TTC28: variants seen among roughly 807,000 people sequenced by gnomAD.
TTC28 encodes tetratricopeptide repeat protein 28.
TTC28 carries 61 observed loss-of-function variants against 198.0 expected under a neutral mutation model. That is an observed-to-expected ratio of 0.31 (90% CI 0.25 to 0.38). The LOEUF (loss-of-function observed/expected upper bound fraction) is 0.38. TTC28 is among the 10% of genes least tolerant of loss of function. TTC28 has a pLI of 1.00. For missense variants in TTC28, 2,678 were observed against 3,164.0 expected, an observed-to-expected ratio of 0.85 and a Z score of 3.69; for synonymous variants, 1,171 against 1,297.8, an observed-to-expected ratio of 0.90 and a Z score of 2.10.
rs1023001761 is a variant in TTC28, at chr22:28,567,218, A to G, written c.381+62334T>C. ...CGACAAGAGCAAGACTCCATCTCGG[A>G]AAAAAAAAAAAAAAAAAAAAAGTAG... On this transcript the variant is annotated intron_variant, in intron 2 of 22. Coordinates refer to ENST00000397906, the MANE Select transcript of TTC28 (RefSeq NM_001145418.2). Among the ~76,000 whole-genome samples the G allele has an allele frequency of 2.4e-3, 302 of 127,536 alleles. 2 individuals carry two copies. Among genetic ancestry groups the G allele is most frequent in the African/African-American group, 7.2e-3 (254 of 35,236 alleles). The allele number at this position is 127,536 out of a possible 152,430, so 83.7% of individuals were successfully genotyped here. A position where few individuals can be genotyped will look rare whatever the true frequency, so the allele number is the denominator to read the frequency against.
At chr22:28,426,576 G>A (rs942787139) in intron 2 of TTC28, among the ~76,000 whole-genome samples, 1 of 152,054 alleles carries the variant, frequency 6.6e-6, no homozygotes, top group Non-Finnish European at 1.5e-5. Context: ...AGTTCCTAAG[G>A]AACTAGGAAT....
In TTC28 at chr22:28,679,780, G is replaced by C. The variant is rs1222442148; in HGVS notation, c.-57C>G. The stretch of plus-strand genomic sequence containing the variant: ...GCTAACGGTCCCGCCAGCTAGGCGC[G>C]CGCGCCGGTTCCGCGCGCCATGTTC... On this transcript the variant is annotated 5_prime_UTR_variant, in exon 1 of 23. Transcript: ENST00000397906. 3 of 988,500 alleles carry C rather than the reference G, an allele frequency of 3.0e-6. No individual in the cohort carries two copies. Among genetic ancestry groups the C allele is most frequent in the South Asian group, 5.1e-5 (1 of 19,652 alleles). The allele number at this position is 988,500 out of a possible 1,614,324, so 61.2% of individuals were successfully genotyped here.
intron 2 of TTC28, among the ~76,000 whole-genome samples, chr22:28,585,146 A>T (rs886719835): frequency 2.6e-5 from 4 of 152,214 alleles, no homozygotes; most frequent in African/African-American, 9.6e-5. Flanking sequence ...TGTGAAAGAC[A>T]ATTTTTCAAT....
chr22:28,655,593 G>T (rs888375547), intron 1 of TTC28, among the ~76,000 whole-genome samples: 2 of 152,150 alleles, frequency 1.3e-5, no homozygotes, highest in African/African-American at 4.8e-5. Context: ...CCTAGGCCGG[G>T]CGTGGTGGCT....
chr22:28,014,193 TG>T, intron 14 of TTC28, 54 bp downstream of exon 14: 1 of 1,506,392 alleles, frequency 6.6e-7, no homozygotes, highest in Non-Finnish European at 8.9e-7. Context: ...GGGCGCTGAC[TG>T]GTAAGCGATG....
chr22:28,495,641 A>G (rs1208271041), intron 2 of TTC28, among the ~76,000 whole-genome samples: 1 of 152,232 alleles, frequency 6.6e-6, no homozygotes, highest in African/African-American at 2.4e-5. Context: ...ATAAGGGAAT[A>G]AAAGGTATTC....
intron 2 of TTC28, among the ~76,000 whole-genome samples, chr22:28,546,361 G>A (rs946993773): frequency 3.3e-5 from 5 of 152,102 alleles, no homozygotes; most frequent in African/African-American, 4.8e-5. Flanking sequence ...CAGGAGAATC[G>A]CTTGAACCCG....
chr22:28,380,616 G>GA (rs963498668), intron 2 of TTC28, among the ~76,000 whole-genome samples: 1 of 151,994 alleles, frequency 6.6e-6, no homozygotes, highest in Non-Finnish European at 1.5e-5. Context: ...ATTTCCATAA[G>GA]AAAAAAGCAT....
chr22:28,250,489 G>A (rs779305880), intron 5 of TTC28, among the ~76,000 whole-genome samples: 2 of 152,196 alleles, frequency 1.3e-5, no homozygotes, highest in Non-Finnish European at 2.9e-5. Context: ...ATCTGTGGGA[G>A]GTTGTTTCCA....
chr22:28,226,439 T>C (rs1471421813), intron 5 of TTC28, among the ~76,000 whole-genome samples: 1 of 152,176 alleles, frequency 6.6e-6, no homozygotes, highest in Non-Finnish European at 1.5e-5. Context: ...CTCTTCTCTT[T>C]TTATGAGACA....
At chr22:28,199,903 C>A (rs1343951109) in intron 5 of TTC28, among the ~76,000 whole-genome samples, 2 of 152,010 alleles carry the variant, frequency 1.3e-5, no homozygotes, top group Non-Finnish European at 2.9e-5. Flanking sequence ...CCAGGAGAAT[C>A]TATCCATGTA....
chr22:28,051,653 A>G lies in TTC28; in HGVS notation c.3933-21287T>C, dbSNP rs564106514. Reference sequence around the variant, plus strand: ...CCAGTAGGGGGTTTAACAGCCCGAGATTTTGAAAAGCTGTTGTCACGTCAT... The same window carrying G: ...CCAGTAGGGGGTTTAACAGCCCGAGGTTTTGAAAAGCTGTTGTCACGTCAT... On this transcript the variant is annotated intron_variant, in intron 12 of 22. Transcript: ENST00000397906. Among the ~76,000 whole-genome samples the G allele has an allele frequency of 4.6e-5, 7 of 152,266 alleles. No homozygotes were observed. In the South Asian group the frequency reaches 1.5e-3, roughly 32 times the overall value.
intron 12 of TTC28, among the ~76,000 whole-genome samples, chr22:28,035,517 G>A (rs1228569966): frequency 2.0e-5 from 3 of 152,152 alleles, no homozygotes; most frequent in South Asian, 2.1e-4. Context: ...CCTATGTTGC[G>A]GATTCTACAA....
At chr22:28,247,078 A>T (rs893931460) in intron 5 of TTC28, among the ~76,000 whole-genome samples, 22 of 152,192 alleles carry the variant, frequency 1.4e-4, no homozygotes, top group African/African-American at 5.3e-4. Flanking sequence ...AATGATTAAG[A>T]TCAAGATACG....
chr22:28,125,366 A>T (rs949416722), intron 6 of TTC28, among the ~76,000 whole-genome samples: 1 of 152,164 alleles, frequency 6.6e-6, no homozygotes, highest in African/African-American at 2.4e-5. Flanking sequence ...TTCAACAAAC[A>T]TTTACTGTAG....
intron 2 of TTC28, among the ~76,000 whole-genome samples, chr22:28,380,932 A>AT (rs887389907): frequency 3.3e-5 from 5 of 152,142 alleles, no homozygotes; most frequent in Admixed American, 3.3e-4. Flanking sequence ...ATTAACACCT[A>AT]TAAAATTTTA....
intron 2 of TTC28, among the ~76,000 whole-genome samples, chr22:28,564,391 C>T (rs568957794): frequency 6.4e-4 from 98 of 152,244 alleles, no homozygotes; most frequent in Middle Eastern, 6.8e-3. Context: ...GATACCACAT[C>T]AAACTTCAGA....
intron 2 of TTC28, among the ~76,000 whole-genome samples, chr22:28,446,179 T>C (rs1247236644): frequency 1.3e-5 from 2 of 151,562 alleles, no homozygotes. Context: ...TTTGTCTTGT[T>C]CAACTTTGTA....
At chr22:28,157,908 C>G (rs1039484583) in intron 6 of TTC28, among the ~76,000 whole-genome samples, 1 of 152,024 alleles carries the variant, frequency 6.6e-6, no homozygotes, top group Non-Finnish European at 1.5e-5. Flanking sequence ...ACTGGAGGTC[C>G]TAGCTACAGC....
Sources: allele counts gnomAD v4.1 joint callset (sites outside exome capture counted in the v4.1 genomes callset), GRCh38; gene constraint gnomAD v4.1.1; transcripts MANE v1.5; gene names NCBI Gene and HGNC (gene_info 2026-07-23, HGNC 2026-07-21).